The following SHROOM4 variants were observed in gnomAD, a reference collection of about 807,000 sequenced individuals.
SHROOM4 encodes protein Shroom4.
Under a neutral mutation model 80.3 loss-of-function variants are expected in SHROOM4, and 17 were observed. That is an observed-to-expected ratio of 0.21 (90% CI 0.14 to 0.32). The LOEUF (loss-of-function observed/expected upper bound fraction) is 0.32. Ranked by LOEUF, SHROOM4 falls within the 10% of genes least tolerant of loss-of-function variation. The pLI is 1.00. For missense variants in SHROOM4, 993 were observed against 1,140.3 expected, an observed-to-expected ratio of 0.87 and a Z score of 1.86; for synonymous variants, 400 against 437.5, an observed-to-expected ratio of 0.91 and a Z score of 1.07.
intron 2 of SHROOM4, among the ~76,000 whole-genome samples, chrX:50,676,144 G>A (rs1383872824): frequency 1.8e-5 from 2 of 111,549 alleles, no homozygotes; most frequent in Non-Finnish European, 3.8e-5. Context: ...ACCCTATTGT[G>A]TGTATCATGG....
At chrX:50,657,410 G>A (rs962273174) in intron 2 of SHROOM4, among the ~76,000 whole-genome samples, 6 of 108,856 alleles carry the variant, frequency 5.5e-5, no homozygotes, top group African/African-American at 2.0e-4. Context: ...GCCTTATTGT[G>A]TTGAGGCACA....
intron 2 of SHROOM4, among the ~76,000 whole-genome samples, chrX:50,651,733 G>C (rs1458529946): frequency 3.5e-4 from 35 of 99,627 alleles, no homozygotes; most frequent in Non-Finnish European, 6.5e-4. Context: ...CCCTCCCCTA[G>C]CCCCTTAACC....
chrX:50,616,774 G>A (rs1306164563), intron 5 of SHROOM4, among the ~76,000 whole-genome samples: 1 of 111,622 alleles, frequency 9.0e-6, no homozygotes, highest in East Asian at 2.8e-4. Flanking sequence ...TGGAAACAAA[G>A]GTTCAGAGTA....
chrX:50,748,753 C>T (rs1184943881), intron 1 of SHROOM4, among the ~76,000 whole-genome samples: 1 of 112,135 alleles, frequency 8.9e-6, no homozygotes, highest in Non-Finnish European at 1.9e-5. Context: ...CCTAAGAGGA[C>T]CTTATCCACA....
intron 1 of SHROOM4, among the ~76,000 whole-genome samples, chrX:50,783,882 TA>T (rs1369469354): frequency 3.7e-4 from 42 of 112,030 alleles, no homozygotes; most frequent in African/African-American, 1.3e-3. Context: ...GGCCAGATTC[TA>T]AACTTTATAT....
intron 1 of SHROOM4, among the ~76,000 whole-genome samples, chrX:50,769,725 C>A (rs1935358530): frequency 9.0e-6 from 1 of 111,376 alleles, no homozygotes; most frequent in African/African-American, 3.3e-5. Context: ...ACCAGTCTAC[C>A]CTTCTGCCTT....
chrX:50,773,271 C>T (rs1328711397), intron 1 of SHROOM4, among the ~76,000 whole-genome samples: 1 of 112,277 alleles, frequency 8.9e-6, no homozygotes, highest in Non-Finnish European at 1.9e-5. Flanking sequence ...GACCACAAAC[C>T]TATTAACATG....
In SHROOM4 at chrX:50,749,027, A is replaced by G. The variant is rs1361678127; in HGVS notation, c.118-53090T>C. 4.5e-5 allele frequency among the ~76,000 whole-genome samples: 5 copies of G among 111,984 alleles called. No homozygotes were observed. The East Asian group carries it at 1.1e-3, about 25-fold the overall frequency. ...GCAGTTCAAGACCAGCCCGGGCAACATGGTGAAACCCCACCTCTACAAAAA... is the reference window on the plus strand; with the variant it reads ...GCAGTTCAAGACCAGCCCGGGCAACGTGGTGAAACCCCACCTCTACAAAAA... On this transcript the variant is annotated intron_variant, in intron 1 of 8. Transcript: ENST00000376020.
intron 2 of SHROOM4, among the ~76,000 whole-genome samples, chrX:50,655,127 T>A (rs1344931152): frequency 5.5e-5 from 6 of 109,599 alleles, no homozygotes; most frequent in African/African-American, 2.0e-4. Flanking sequence ...ATTTCATTCT[T>A]TTTTATGGCT....
chrX:50,695,708 A>C, intron 2 of SHROOM4, 78 bp downstream of exon 2: 1 of 1,038,150 alleles, frequency 9.6e-7, no homozygotes, highest in Non-Finnish European at 1.4e-6. Flanking sequence ...ATTGATAGAG[A>C]CATGACTCTA....
At chrX:50,646,527 A>AGTGTGTGTGTGTGTGT (rs782016561) in intron 2 of SHROOM4, among the ~76,000 whole-genome samples, 9 of 78,781 alleles carry the variant, frequency 1.1e-4, no homozygotes, top group Non-Finnish European at 1.5e-4. Flanking sequence ...AGGGGGGAAG[A>AGTGTGTGTGTGTGTGT]GTGTGTGTGT....
chrX:50,717,707 T>C, intron 1 of SHROOM4, among the ~76,000 whole-genome samples: 1 of 111,630 alleles, frequency 9.0e-6, no homozygotes. Context: ...CAAGCCAGCA[T>C]CTCCCCAGAA....
At chrX:50,672,997 C>G in intron 2 of SHROOM4, among the ~76,000 whole-genome samples, 1 of 111,264 alleles carries the variant, frequency 9.0e-6, no homozygotes, top group Non-Finnish European at 1.9e-5. Flanking sequence ...GCAAAACTAA[C>G]AGCATTCACC....
chrX:50,715,865 C>CAA (rs201814516), intron 1 of SHROOM4, among the ~76,000 whole-genome samples: 2 of 84,656 alleles, frequency 2.4e-5, no homozygotes, highest in African/African-American at 4.2e-5. Flanking sequence ...GTATATATTC[C>CAA]AAAAAAAAAA....
intron 1 of SHROOM4, among the ~76,000 whole-genome samples, chrX:50,724,547 C>T (rs782285016): frequency 8.8e-6 from 1 of 113,112 alleles, no homozygotes; most frequent in African/African-American, 3.2e-5. Context: ...TCACTGCAAC[C>T]TCCGCCTCCT....
chrX:50,651,379 G>A (rs1029841064), intron 2 of SHROOM4, among the ~76,000 whole-genome samples: 12 of 111,747 alleles, frequency 1.1e-4, no homozygotes, highest in Non-Finnish European at 1.5e-4. Flanking sequence ...CAGGCTTAGG[G>A]AGGTGAAATA....
intron 1 of SHROOM4, among the ~76,000 whole-genome samples, chrX:50,766,413 A>T (rs1364480026): frequency 8.9e-6 from 1 of 111,826 alleles, no homozygotes; most frequent in Non-Finnish European, 1.9e-5. Flanking sequence ...TTAAAAAAAA[A>T]ACTTTCTTGT....
intron 1 of SHROOM4, among the ~76,000 whole-genome samples, chrX:50,736,677 C>T (rs782542947): frequency 8.9e-6 from 1 of 112,037 alleles, no homozygotes; most frequent in Non-Finnish European, 1.9e-5. Context: ...TCTATGTCTT[C>T]GCTATTATGA....
chrX:50,789,779 A>G (rs1426721645), intron 1 of SHROOM4, among the ~76,000 whole-genome samples: 4 of 112,486 alleles, frequency 3.6e-5, no homozygotes, highest in Non-Finnish European at 5.6e-5. Context: ...AGATACAAAT[A>G]AATTAAATCA....
Sources: gnomAD v4.1 joint callset for allele counts (sites outside exome capture counted in the v4.1 genomes callset) on GRCh38, gnomAD v4.1.1 for gene constraint, MANE v1.5 for transcripts, NCBI Gene and HGNC (gene_info 2026-07-23, HGNC 2026-07-21) for gene names.